The following FAT3 variants were observed in gnomAD, a reference collection of about 807,000 sequenced individuals.
FAT3 encodes the protein protocadherin Fat 3.
A neutral mutation model predicts 310.2 loss-of-function variants in FAT3; 95 were observed. The observed-to-expected ratio is 0.31, with a 90% CI of 0.26 to 0.36. The LOEUF (loss-of-function observed/expected upper bound fraction) is 0.36. FAT3 is among the 10% of genes least tolerant of loss of function. The probability of loss-of-function intolerance (pLI) is 1.00; values close to 1 mark genes in which losing one functional copy is unlikely to be tolerated. For synonymous variants in FAT3, 2,314 were observed against 2,192.9 expected, an observed-to-expected ratio of 1.06 and a Z score of -1.54; for missense variants, 5,408 against 5,715.6, an observed-to-expected ratio of 0.95 and a Z score of 1.74.
intron 1 of FAT3, among the ~76,000 whole-genome samples, chr11:92,350,548 G>A (rs1948537477): frequency 6.6e-6 from 1 of 151,990 alleles, no homozygotes; most frequent in South Asian, 2.1e-4. Context: ...CTTGCTTGCA[G>A]GTAATTTTGA....
At chr11:92,509,781 T>C (rs572763636) in intron 2 of FAT3, among the ~76,000 whole-genome samples, 1 of 152,268 alleles carries the variant, frequency 6.6e-6, no homozygotes, top group East Asian at 1.9e-4. Flanking sequence ...CAGATAAATA[T>C]ACTGCTTTGG....
intron 21 of FAT3, among the ~76,000 whole-genome samples, chr11:92,861,295 T>C (rs1949116010): frequency 6.6e-6 from 1 of 152,308 alleles, no homozygotes; most frequent in South Asian, 2.1e-4. Context: ...GTAAATCTCT[T>C]ATAGAGCATT....
chr11:92,836,842 C>A, intron 16 of FAT3, 139 bp downstream of exon 16: 2 of 954,328 alleles, frequency 2.1e-6, no homozygotes, highest in Non-Finnish European at 3.0e-6. Context: ...TAAAATGCAG[C>A]ATGAAATATT....
At chr11:92,450,992 A>C (rs889165031) in intron 2 of FAT3, among the ~76,000 whole-genome samples, 3 of 152,194 alleles carry the variant, frequency 2.0e-5, no homozygotes, top group Non-Finnish European at 2.9e-5. Context: ...TAATTTTCCC[A>C]GAGACTATAG....
intron 1 of FAT3, among the ~76,000 whole-genome samples, chr11:92,240,558 A>T (rs1259986442): frequency 1.4e-5 from 2 of 147,056 alleles, no homozygotes; most frequent in African/African-American, 2.5e-5. Context: ...AATTACTTGA[A>T]ACAAAATGAA....
intron 1 of FAT3, among the ~76,000 whole-genome samples, chr11:92,281,707 T>C (rs533213115): frequency 6.3e-4 from 96 of 152,290 alleles, no homozygotes; most frequent in African/African-American, 2.2e-3. Flanking sequence ...AAACAAAGGC[T>C]TCTCTGGATT....
intron 3 of FAT3, among the ~76,000 whole-genome samples, chr11:92,666,665 G>A (rs1378530602): frequency 1.3e-5 from 2 of 151,978 alleles, no homozygotes; most frequent in Admixed American, 1.3e-4. Context: ...CAGCATTGAA[G>A]GACATTTAAG....
At chr11:92,350,322 G>A (rs1189828917) in intron 1 of FAT3, among the ~76,000 whole-genome samples, 1 of 150,000 alleles carries the variant, frequency 6.7e-6, no homozygotes. Flanking sequence ...CATACAATTT[G>A]TAATATTTTA....
intron 22 of FAT3, among the ~76,000 whole-genome samples, chr11:92,878,116 G>C (rs1310070327): frequency 6.6e-6 from 1 of 152,138 alleles, no homozygotes; most frequent in Admixed American, 6.5e-5. Context: ...GACTGAGCAG[G>C]CTGGCTGGTT....
At chr11:92,675,146 T>C (rs1395174652) in intron 3 of FAT3, among the ~76,000 whole-genome samples, 3 of 152,200 alleles carry the variant, frequency 2.0e-5, no homozygotes, top group African/African-American at 4.8e-5. Context: ...ATGAGTATTA[T>C]TCTCTTTGTG....
intron 2 of FAT3, among the ~76,000 whole-genome samples, chr11:92,443,154 T>C (rs953793562): frequency 6.6e-6 from 1 of 152,172 alleles, no homozygotes; most frequent in African/African-American, 2.4e-5. Flanking sequence ...AACTTAGAGG[T>C]GCAATTAGGA....
chr11:92,284,704 C>A (rs773995466), intron 1 of FAT3, among the ~76,000 whole-genome samples: 2 of 152,078 alleles, frequency 1.3e-5, no homozygotes, highest in Non-Finnish European at 2.9e-5. Flanking sequence ...AAGACTTTGT[C>A]GCTCTTGACC....
At chr11:92,305,198 CAA>C (rs1947089871) in intron 1 of FAT3, among the ~76,000 whole-genome samples, 1 of 151,966 alleles carries the variant, frequency 6.6e-6, no homozygotes. Flanking sequence ...TTCACATTCT[CAA>C]AAAATAGGTG....
chr11:92,276,342 A>G (rs1946270619), intron 1 of FAT3, among the ~76,000 whole-genome samples: 1 of 152,148 alleles, frequency 6.6e-6, no homozygotes, highest in Non-Finnish European at 1.5e-5. Context: ...GCGAGTAAGC[A>G]TTTTATCTTG....
chr11:92,611,546 T>C (rs474727), intron 3 of FAT3, among the ~76,000 whole-genome samples: 84,982 of 152,082 alleles, frequency 0.56, 25,090 homozygotes, highest in African/African-American at 0.75. Context: ...TTGGTGGAAC[T>C]ACGGGCCCAG....
At chr11:92,706,452 C>A (rs919434962) in intron 4 of FAT3, among the ~76,000 whole-genome samples, 1 of 151,980 alleles carries the variant, frequency 6.6e-6, no homozygotes, top group African/African-American at 2.4e-5. Flanking sequence ...TTCTACCTGC[C>A]CCTTCTCCTA....
chr11:92,892,421 T>C lies in FAT3; in HGVS notation c.*1308T>C. ...ATAAAGCAAAATTGTGCTTTTTTTT[T>C]TTTTTCTCAAGACAGAGTCTTGCTC... On this transcript the variant is annotated 3_prime_UTR_variant, in exon 28 of 28. Coordinates refer to ENST00000525166, the MANE Select transcript of FAT3 (RefSeq NM_001367949.2). 1 of 152,068 alleles carries C rather than the reference T, an allele frequency of 6.6e-6. No homozygotes were observed. The highest frequency in any genetic ancestry group is 1.5e-5 in the Non-Finnish European group (1 of 68,004). 9.4% of individuals were successfully genotyped at this position (152,068 alleles called of 1,614,324 possible).
chr11:92,551,414 TTGTGTGTGTGTGTG>T (rs71473973), intron 3 of FAT3, among the ~76,000 whole-genome samples: 1 of 128,876 alleles, frequency 7.8e-6, no homozygotes, highest in South Asian at 2.9e-4. Flanking sequence ...TTTTTTTGTT[TTGTGTGTGTGTGTG>T]TGTGTGTGTG....
rs762890326 is a variant in FAT3 at position 92,762,069 on chromosome 11, A to G, written c.3883A>G (p.Ile1295Val). ...EGPNAEISYS[I>V]VDGNDDGKFF... Reference sequence around the variant, plus strand: ...CCCCAACGCAGAAATCTCCTACAGTATTGTGGATGGGAATGATGACGGAAA... The same window carrying G: ...CCCCAACGCAGAAATCTCCTACAGTGTTGTGGATGGGAATGATGACGGAAA... Residue 1295 changes from isoleucine to valine, a missense_variant, in exon 5 of 28, where the codon ATT (isoleucine) becomes GTT (valine). By Grantham distance (29) the Ile-to-Val change is conservative. Coordinates refer to ENST00000525166, the MANE Select transcript of FAT3 (RefSeq NM_001367949.2). 2 of 1,613,988 alleles carry G rather than the reference A, an allele frequency of 1.2e-6. No homozygotes were observed. Among genetic ancestry groups the G allele is most frequent in the Non-Finnish European group, 1.7e-6 (2 of 1,179,874 alleles).
Sources: allele counts gnomAD v4.1 joint callset (sites outside exome capture counted in the v4.1 genomes callset), GRCh38; gene constraint gnomAD v4.1.1; transcripts MANE v1.5; gene names NCBI Gene and HGNC (gene_info 2026-07-23, HGNC 2026-07-21).